Variants in SOD2 observed in about 807,000 individuals in gnomAD.
SOD2 encodes the protein superoxide dismutase 2.
SOD2 carries 11 observed loss-of-function variants against 27.0 expected under a neutral mutation model. The observed-to-expected ratio is 0.41, with a 90% confidence interval of 0.26 to 0.67. The LOEUF (loss-of-function observed/expected upper bound fraction) is 0.67, where lower values mean the gene tolerates loss of function less well. Ranked by LOEUF, SOD2 falls within the 30% of genes least tolerant of loss-of-function variation. The pLI is 0.34. For synonymous variants in SOD2, 105 were observed against 103.0 expected, an observed-to-expected ratio of 1.02 and a Z score of -0.12; for missense variants, 250 against 274.5, an observed-to-expected ratio of 0.91 and a Z score of 0.63.
At chr6:159,692,903 G>C in intron 1 of SOD2, 40 bp from the exon 2 acceptor site, 1 of 1,520,434 alleles carries the variant, frequency 6.6e-7, no homozygotes, top group South Asian at 1.2e-5. Flanking sequence ...TCAGCGCCGC[G>C]GGACCGTCTA....
At chr6:159,725,072 T>G (rs1157780977) in intron 1 of SOD2, among the ~76,000 whole-genome samples, 1 of 152,142 alleles carries the variant, frequency 6.6e-6, no homozygotes, top group South Asian at 2.1e-4. Context: ...GCTCCGGGAC[T>G]TTAGTATGCA....
chr6:159,736,137 C>T (rs1778898512), intron 1 of SOD2: 3 of 1,002,090 alleles, frequency 3.0e-6, no homozygotes, highest in Non-Finnish European at 3.0e-6. Flanking sequence ...TATTTAAATT[C>T]TAATTATTCA....
chr6:159,707,312 A>T (rs1202999960), intron 1 of SOD2, among the ~76,000 whole-genome samples: 2 of 152,214 alleles, frequency 1.3e-5, no homozygotes, highest in African/African-American at 4.8e-5. Context: ...ACCCTTCAAA[A>T]AAATCAATGA....
chr6:159,717,142 G>C (rs537922326), intron 1 of SOD2, among the ~76,000 whole-genome samples: 1 of 152,256 alleles, frequency 6.6e-6, no homozygotes, highest in Non-Finnish European at 1.5e-5. Flanking sequence ...TTTTCCAGTA[G>C]CTGGACAAGC....
upstream of SOD2, among the ~76,000 whole-genome samples, chr6:159,731,767 A>G (rs1310063252): frequency 6.6e-6 from 1 of 152,158 alleles, no homozygotes; most frequent in African/African-American, 2.4e-5. Context: ...TCTTTTTGAG[A>G]TGGGGAAACT....
At chr6:159,734,991 C>A (rs1778818240) in intron 1 of SOD2, among the ~76,000 whole-genome samples, 2 of 151,980 alleles carry the variant, frequency 1.3e-5, no homozygotes, top group Non-Finnish European at 2.9e-5. Flanking sequence ...ATAAAGTGTT[C>A]CCTACTTGAA....
chr6:159,713,197 AC>A, intron 1 of SOD2: 5 of 1,099,836 alleles, frequency 4.5e-6, no homozygotes, highest in Non-Finnish European at 6.6e-6. Flanking sequence ...TTCCTGAAAA[AC>A]AGTAATTGCG....
chr6:159,743,081 A>G (rs1779359822), intron 1 of SOD2, among the ~76,000 whole-genome samples: 1 of 152,158 alleles, frequency 6.6e-6, no homozygotes. Flanking sequence ...AGGGTCTCGC[A>G]CTGTTGCCCA....
chr6:159,696,466 C>T (rs776314856), upstream of SOD2, among the ~76,000 whole-genome samples: 3 of 152,008 alleles, frequency 2.0e-5, no homozygotes, highest in Non-Finnish European at 2.9e-5. Flanking sequence ...ATTACAGGTG[C>T]GTGCCACCAT....
intron 1 of SOD2, among the ~76,000 whole-genome samples, chr6:159,735,176 T>A (rs924114570): frequency 2.6e-5 from 4 of 152,224 alleles, no homozygotes; most frequent in African/African-American, 9.6e-5. Flanking sequence ...GGAGTCTCTG[T>A]TGCCCAGGCT....
At chr6:159,684,748 C>T (rs1780107237) in intron 4 of SOD2, 106 bp downstream of exon 4, 2 of 887,008 alleles carry the variant, frequency 2.3e-6, no homozygotes, top group Admixed American at 2.8e-5. Flanking sequence ...TTAAGATTTG[C>T]AAATTATTAC....
intron 1 of SOD2, chr6:159,726,938 A>AAGCATCACGGATG (rs772578477): frequency 7.0e-6 from 9 of 1,288,508 alleles, no homozygotes; most frequent in South Asian, 2.5e-5. Flanking sequence ...CGACACGCGG[A>AAGCATCACGGATG]AGCATCACGG....
intron 4 of SOD2, 124 bp downstream of exon 4, chr6:159,684,730 G>A (rs1165733071): frequency 3.1e-6 from 2 of 645,768 alleles, no homozygotes; most frequent in Non-Finnish European, 5.1e-6. Flanking sequence ...GACTCTGGGT[G>A]TTATCTGTTA....
At chr6:159,699,228 C>T (rs1000910640) in intron 1 of SOD2, among the ~76,000 whole-genome samples, 17 of 152,212 alleles carry the variant, frequency 1.1e-4, no homozygotes, top group African/African-American at 2.4e-4. Context: ...ATCTCTTACA[C>T]GACTCTGGTC....
At chr6:159,719,808 C>G (rs1777996236) in intron 1 of SOD2, among the ~76,000 whole-genome samples, 1 of 151,074 alleles carries the variant, frequency 6.6e-6, no homozygotes, top group Non-Finnish European at 1.5e-5. Flanking sequence ...ACTGCAACCT[C>G]CACCTCCCGG....
At chr6:159,699,915 T>C (rs1373008625) in intron 1 of SOD2, among the ~76,000 whole-genome samples, 2 of 152,184 alleles carry the variant, frequency 1.3e-5, no homozygotes, top group Admixed American at 6.5e-5. Flanking sequence ...GAGAACAGTA[T>C]TGATATCACA....
At chr6:159,720,990 G>A (rs555428952) in intron 1 of SOD2, among the ~76,000 whole-genome samples, 1 of 149,158 alleles carries the variant, frequency 6.7e-6, no homozygotes, top group Admixed American at 6.7e-5. Context: ...CAAGGAGCTG[G>A]GACTACAGGC....
intron 1 of SOD2, among the ~76,000 whole-genome samples, chr6:159,717,417 A>G (rs1167830447): frequency 1.3e-5 from 2 of 152,190 alleles, no homozygotes; most frequent in Non-Finnish European, 2.9e-5. Context: ...GCCTAACCAT[A>G]AAATTATTAT....
intron 1 of SOD2, chr6:159,713,580 A>G (rs1777870627): frequency 1.1e-6 from 1 of 872,186 alleles, no homozygotes; most frequent in Non-Finnish European, 1.9e-6. Context: ...GTGTTATCCC[A>G]TTTGGCACAA....
Sources: allele counts gnomAD v4.1 joint callset (sites outside exome capture counted in the v4.1 genomes callset), GRCh38; gene constraint gnomAD v4.1.1; transcripts MANE v1.5; gene names NCBI Gene and HGNC (gene_info 2026-07-23, HGNC 2026-07-21).